XPR1: variants seen among roughly 807,000 people sequenced by gnomAD.
XPR1 encodes solute carrier family 53 member 1.
XPR1 carries 28 observed loss-of-function variants against 87.5 expected under a neutral mutation model. That is an observed-to-expected ratio of 0.32 (90% CI 0.24 to 0.44). The LOEUF is 0.44. Ranked by LOEUF, XPR1 falls within the 20% of genes least tolerant of loss-of-function variation. XPR1 has a pLI of 1.00. For missense variants in XPR1, 559 were observed against 862.3 expected, an observed-to-expected ratio of 0.65 and a Z score of 4.41; for synonymous variants, 300 against 306.1, an observed-to-expected ratio of 0.98 and a Z score of 0.21.
At chr1:180,875,029 A>G (rs1652617277) in intron 13 of XPR1, among the ~76,000 whole-genome samples, 1 of 152,216 alleles carries the variant, frequency 6.6e-6, no homozygotes, top group African/African-American at 2.4e-5. Context: ...TCCAACTACT[A>G]AATACATATT....
intron 11 of XPR1, among the ~76,000 whole-genome samples, chr1:180,840,091 C>T (rs1222135309): frequency 5.3e-5 from 8 of 151,520 alleles, no homozygotes; most frequent in East Asian, 3.9e-4. Flanking sequence ...GGAGCGGTGG[C>T]GGGCGCCTGT....
At chr1:180,770,303 T>G (rs1648462564) in intron 2 of XPR1, among the ~76,000 whole-genome samples, 1 of 152,178 alleles carries the variant, frequency 6.6e-6, no homozygotes, top group Non-Finnish European at 1.5e-5. Context: ...AGTCTGGAAG[T>G]GTAAGATCAG....
chr1:180,747,540 C>T (rs1298601653), intron 2 of XPR1, among the ~76,000 whole-genome samples: 5 of 152,072 alleles, frequency 3.3e-5, no homozygotes, highest in Admixed American at 3.3e-4. Context: ...TATTTCCCAC[C>T]TAATGGATTC....
At chr1:180,867,058 C>T (rs1257547610) in intron 12 of XPR1, among the ~76,000 whole-genome samples, 6 of 93,356 alleles carry the variant, frequency 6.4e-5, no homozygotes, top group South Asian at 8.2e-4. Context: ...TGAGAATATG[C>T]GGTGTTTGGT....
intron 2 of XPR1, among the ~76,000 whole-genome samples, chr1:180,742,958 A>G (rs906620627): frequency 1.3e-5 from 2 of 151,980 alleles, no homozygotes; most frequent in African/African-American, 4.8e-5. Flanking sequence ...CCTTTTGATT[A>G]GTATTTGCAT....
intron 9 of XPR1, among the ~76,000 whole-genome samples, chr1:180,827,598 T>A (rs1453236354): frequency 1.3e-5 from 2 of 152,224 alleles, no homozygotes; most frequent in Non-Finnish European, 1.5e-5. Flanking sequence ...AAATGTACTA[T>A]CAGATACACT....
At chr1:180,775,641 A>G (rs1391070630) in intron 2 of XPR1, among the ~76,000 whole-genome samples, 1 of 152,196 alleles carries the variant, frequency 6.6e-6, no homozygotes, top group Non-Finnish European at 1.5e-5. Context: ...ACTTAACAAA[A>G]TGACTTTAAA....
chr1:180,863,829 T>C lies in XPR1; in HGVS notation c.1623T>C (p.Ala541=). 3 of 1,610,854 alleles carry C rather than the reference T, an allele frequency of 1.9e-6. No individual in the cohort carries two copies. The highest frequency in any genetic ancestry group is 1.7e-5 in the Admixed American group (1 of 59,146). ...ACTGGGGTCTCTTCGATAAGAATGC[T>C]GGAGAGAACACTTTCCTCCGGGAAG... ...KMDWGLFDKN[A]GENTFLREEI... The change falls in exon 12 of 15, where the codon GCT becomes GCC. Residue 541 remains alanine, a synonymous_variant. Coordinates refer to ENST00000367590, the MANE Select transcript of XPR1 (RefSeq NM_004736.4).
At chr1:180,639,391 A>C (rs1047066518) in intron 1 of XPR1, among the ~76,000 whole-genome samples, 1 of 152,048 alleles carries the variant, frequency 6.6e-6, no homozygotes, top group African/African-American at 2.4e-5. Context: ...AATCTCTATA[A>C]CAAGAGGCTT....
chr1:180,863,585 C>A, intron 11 of XPR1, 123 bp from the exon 12 acceptor site: 1 of 755,314 alleles, frequency 1.3e-6, no homozygotes, highest in Non-Finnish European at 2.0e-6. Flanking sequence ...TTCCTACGAT[C>A]TGTTTAAAGC....
intron 2 of XPR1, among the ~76,000 whole-genome samples, chr1:180,725,632 T>C (rs1473561981): frequency 6.6e-6 from 1 of 152,226 alleles, no homozygotes; most frequent in African/African-American, 2.4e-5. Flanking sequence ...TAGTAACTGC[T>C]TAAACTGATT....
At chr1:180,785,011 T>TTTGTGTG (rs1553248230) in intron 2 of XPR1, among the ~76,000 whole-genome samples, 2 of 136,280 alleles carry the variant, frequency 1.5e-5, no homozygotes, top group Non-Finnish European at 3.2e-5. Flanking sequence ...GTGTGTGTGT[T>TTTGTGTG]TGTGTGTGTG....
At chr1:180,849,220 A>G (rs1225738491) in intron 11 of XPR1, among the ~76,000 whole-genome samples, 1 of 152,192 alleles carries the variant, frequency 6.6e-6, no homozygotes, top group African/African-American at 2.4e-5. Context: ...ACATTATGTC[A>G]TTTTGAACCT....
At chr1:180,704,298 T>C (rs953725993) in intron 2 of XPR1, among the ~76,000 whole-genome samples, 2 of 132,486 alleles carry the variant, frequency 1.5e-5, no homozygotes, top group African/African-American at 5.5e-5. Context: ...TCTGTTTTGT[T>C]ACTACTGGTG....
chr1:180,778,143 G>A (rs1207040090), intron 2 of XPR1, among the ~76,000 whole-genome samples: 1 of 151,896 alleles, frequency 6.6e-6, no homozygotes, highest in South Asian at 2.1e-4. Flanking sequence ...ACCACACCCA[G>A]CTAATTTTTA....
intron 1 of XPR1, among the ~76,000 whole-genome samples, chr1:180,669,381 TG>T (rs1467783901): frequency 3.3e-5 from 5 of 152,186 alleles, no homozygotes; most frequent in African/African-American, 9.7e-5. Context: ...TGTTTTGTTT[TG>T]TTTTTTTCTT....
intron 2 of XPR1, among the ~76,000 whole-genome samples, chr1:180,715,586 A>G (rs941153587): frequency 6.6e-6 from 1 of 152,212 alleles, no homozygotes; most frequent in Non-Finnish European, 1.5e-5. Flanking sequence ...GTTCAGAAGA[A>G]GATTATAGGA....
Position 180,732,402 on chromosome 1 carries a change from G to C in XPR1, c.121+49991G>C, listed in dbSNP as rs189417220. 3.5e-3 allele frequency among the ~76,000 whole-genome samples: 526 copies of C among 152,170 alleles called. 4 individuals carry two copies. The highest frequency in any genetic ancestry group is 0.012 in the African/African-American group (517 of 41,520). ...AGAAGCTCATGTATTTTTTATTACT[G>C]TTTTGTATTAGATAATATTCTCATA... is the stretch of plus-strand genomic sequence containing the variant. On this transcript the variant is annotated intron_variant, in intron 2 of 14. Coordinates refer to ENST00000367590, the MANE Select transcript of XPR1 (RefSeq NM_004736.4).
intron 1 of XPR1, among the ~76,000 whole-genome samples, chr1:180,665,559 G>A (rs1019425073): frequency 1.3e-5 from 2 of 152,196 alleles, no homozygotes; most frequent in Non-Finnish European, 2.9e-5. Flanking sequence ...TACTAGGATA[G>A]GCTATTCCTT....
Sources: gnomAD v4.1 joint callset for allele counts (sites outside exome capture counted in the v4.1 genomes callset) on GRCh38, gnomAD v4.1.1 for gene constraint, MANE v1.5 for transcripts, NCBI Gene and HGNC (gene_info 2026-07-23, HGNC 2026-07-21) for gene names.